LPAR3: variants seen among roughly 807,000 people sequenced by gnomAD.
The protein encoded by LPAR3 is LPA receptor 3.
Under a neutral mutation model 17.8 loss-of-function variants are expected in LPAR3, and 7 were observed. The observed-to-expected ratio is 0.39, with a 90% CI of 0.22 to 0.74. The LOEUF (loss-of-function observed/expected upper bound fraction) is 0.74, where lower values mean the gene tolerates loss of function less well. Ranked by LOEUF, LPAR3 falls within the 30% of genes least tolerant of loss-of-function variation. The pLI, the probability that LPAR3 is intolerant of heterozygous loss-of-function variation, is 0.40. For synonymous variants in LPAR3, 179 were observed against 179.9 expected (o/e 0.99, Z 0.04); for missense variants, 391 against 453.4 (o/e 0.86, Z 1.25).
rs559981225 is a variant in LPAR3 at position 84,875,140 on chromosome 1, T to A, written c.-18-9002A>T. ...GTCTCAAACTCCTGATCTCAGATGA[T>A]CCGCCTGTGTTGGTCTCCCAAAGTG... On this transcript the variant is annotated intron_variant, in intron 1 of 2. Transcript: ENST00000370611. Among the ~76,000 whole-genome samples, 127 of 152,154 alleles carry A rather than the reference T, an allele frequency of 8.3e-4. 4 individuals carry two copies. The highest frequency in any genetic ancestry group is 4.7e-4 in the Non-Finnish European group (32 of 68,026).
intron 1 of LPAR3, among the ~76,000 whole-genome samples, chr1:84,872,754 A>G (rs894408339): frequency 1.2e-4 from 18 of 152,198 alleles, no homozygotes; most frequent in East Asian, 7.7e-4. Flanking sequence ...CCTTCCAAAG[A>G]GCACAATATG....
intron 2 of LPAR3, among the ~76,000 whole-genome samples, chr1:84,832,609 C>T (rs1006227597): frequency 1.2e-4 from 18 of 152,096 alleles, no homozygotes; most frequent in Admixed American, 1.3e-4. Flanking sequence ...TGTCCCTCTA[C>T]CCCTCTGGCC....
At chr1:84,831,068 A>G (rs188208527) in intron 2 of LPAR3, among the ~76,000 whole-genome samples, 1 of 152,322 alleles carries the variant, frequency 6.6e-6, no homozygotes, top group Admixed American at 6.5e-5. Context: ...ACTTAGAACA[A>G]TTTAATTTGT....
At chr1:84,886,434 G>A (rs751363346) in intron 1 of LPAR3, among the ~76,000 whole-genome samples, 1 of 152,152 alleles carries the variant, frequency 6.6e-6, no homozygotes, top group African/African-American at 2.4e-5. Context: ...GCTGAGATAG[G>A]AGGACTGCTC....
chr1:84,868,504 T>C (rs1660097021), intron 1 of LPAR3, among the ~76,000 whole-genome samples: 2 of 152,150 alleles, frequency 1.3e-5, no homozygotes, highest in East Asian at 1.9e-4. Flanking sequence ...TAAAGAGAAA[T>C]ACAGCTTTCA....
intron 2 of LPAR3, among the ~76,000 whole-genome samples, chr1:84,834,363 T>C (rs1206869440): frequency 1.3e-5 from 2 of 152,230 alleles, no homozygotes; most frequent in Non-Finnish European, 2.9e-5. Flanking sequence ...AGAAGACCTT[T>C]AAATACTAAT....
chr1:84,874,676 T>G (rs537108500), intron 1 of LPAR3, among the ~76,000 whole-genome samples: 39 of 152,318 alleles, frequency 2.6e-4, no homozygotes, highest in African/African-American at 8.7e-4. Context: ...ATATAAAATT[T>G]TAATATTTGT....
intron 2 of LPAR3, among the ~76,000 whole-genome samples, chr1:84,864,038 C>T (rs914065984): frequency 6.6e-6 from 1 of 151,940 alleles, no homozygotes; most frequent in Non-Finnish European, 1.5e-5. Flanking sequence ...ATGGTGAAAC[C>T]CTGTCTCTAA....
At chr1:84,843,319 AG>A (rs1407658054) in intron 2 of LPAR3, among the ~76,000 whole-genome samples, 1 of 152,266 alleles carries the variant, frequency 6.6e-6, no homozygotes, top group Admixed American at 6.5e-5. Context: ...TAGACATCCA[AG>A]AAACTTCCCA....
intron 1 of LPAR3, among the ~76,000 whole-genome samples, chr1:84,870,304 T>C (rs1297967501): frequency 6.6e-6 from 1 of 152,230 alleles, no homozygotes; most frequent in Non-Finnish European, 1.5e-5. Context: ...TATTTTCTTT[T>C]GTTGCTTAAG....
intron 2 of LPAR3, among the ~76,000 whole-genome samples, chr1:84,815,400 AG>A (rs1658913971): frequency 6.6e-6 from 1 of 152,242 alleles, no homozygotes; most frequent in Admixed American, 6.5e-5. Flanking sequence ...CCACGCACTC[AG>A]GGAGCTAAAA....
At chr1:84,824,458 C>T (rs1408629268) in intron 2 of LPAR3, among the ~76,000 whole-genome samples, 1 of 152,154 alleles carries the variant, frequency 6.6e-6, no homozygotes, top group African/African-American at 2.4e-5. Flanking sequence ...CAAATAGAAT[C>T]AGCCTTGAAA....
intron 1 of LPAR3, among the ~76,000 whole-genome samples, chr1:84,880,120 G>A (rs531149028): frequency 2.0e-4 from 31 of 152,074 alleles, no homozygotes; most frequent in South Asian, 8.3e-4. Context: ...GCCTGAGGTC[G>A]GGAGTTCGAG....
intron 1 of LPAR3, among the ~76,000 whole-genome samples, chr1:84,888,040 CT>C (rs577857026): frequency 1.8e-4 from 26 of 144,860 alleles, no homozygotes; most frequent in East Asian, 2.0e-4. Context: ...AGAGTGCTTG[CT>C]TTTTTTTTTA....
chr1:84,840,074 C>T (rs954670459), intron 2 of LPAR3, among the ~76,000 whole-genome samples: 135 of 152,054 alleles, frequency 8.9e-4, no homozygotes, highest in African/African-American at 3.2e-3. Flanking sequence ...AGGTGTGTGC[C>T]ACCACACCTG....
At chr1:84,849,813 A>C (rs1659668318) in intron 2 of LPAR3, among the ~76,000 whole-genome samples, 1 of 152,202 alleles carries the variant, frequency 6.6e-6, no homozygotes, top group Non-Finnish European at 1.5e-5. Flanking sequence ...GAGGCAAGGT[A>C]CACAGCTAAC....
chr1:84,872,445 C>G (rs959697223), intron 1 of LPAR3, among the ~76,000 whole-genome samples: 3 of 152,128 alleles, frequency 2.0e-5, no homozygotes, highest in Non-Finnish European at 4.4e-5. Context: ...ATAGAGACCT[C>G]TCTCTATTAG....
At chr1:84,872,773 G>T (rs1660180329) in intron 1 of LPAR3, among the ~76,000 whole-genome samples, 1 of 152,138 alleles carries the variant, frequency 6.6e-6, no homozygotes, top group South Asian at 2.1e-4. Context: ...TGGAAATGGG[G>T]CGGGCGGTGG....
intron 2 of LPAR3, among the ~76,000 whole-genome samples, chr1:84,827,892 T>G (rs1659193232): frequency 1.3e-5 from 2 of 152,076 alleles, no homozygotes; most frequent in South Asian, 4.2e-4. Context: ...ACAGTTCATA[T>G]CCACATGGGC....
Sources: gnomAD v4.1 joint callset for allele counts (sites outside exome capture counted in the v4.1 genomes callset) on GRCh38, gnomAD v4.1.1 for gene constraint, MANE v1.5 for transcripts, NCBI Gene and HGNC (gene_info 2026-07-23, HGNC 2026-07-21) for gene names.